Variants in EPB41L1 observed in about 807,000 individuals in gnomAD.
The protein encoded by EPB41L1 is band 4.1-like protein 1.
Under a neutral mutation model 97.8 loss-of-function variants are expected in EPB41L1, and 29 were observed. The observed-to-expected ratio is 0.30, with a 90% CI of 0.22 to 0.40. EPB41L1 has a LOEUF of 0.40. Ranked by LOEUF, EPB41L1 falls within the 10% of genes least tolerant of loss-of-function variation. The probability of loss-of-function intolerance (pLI) is 1.00; values close to 1 mark genes in which losing one functional copy is unlikely to be tolerated. For missense variants in EPB41L1, 812 were observed against 1,162.3 expected, an observed-to-expected ratio of 0.70 and a Z score of 4.38; for synonymous variants, 383 against 459.2, an observed-to-expected ratio of 0.83 and a Z score of 2.12.
intron 2 of EPB41L1, among the ~76,000 whole-genome samples, chr20:36,138,305 G>T (rs1352955653): frequency 1.4e-5 from 2 of 148,106 alleles, no homozygotes; most frequent in African/African-American, 5.0e-5. Flanking sequence ...CGCTCTGTCA[G>T]CCAGGCTGGA....
At chr20:36,205,858 C>A in intron 14 of EPB41L1, 1 of 1,288,762 alleles carries the variant, frequency 7.8e-7, no homozygotes, top group Non-Finnish European at 1.0e-6. Context: ...GGGTTCAGAG[C>A]ATTGGGTATT....
At chr20:36,120,703 C>T (rs772062669) in intron 2 of EPB41L1, among the ~76,000 whole-genome samples, 9 of 152,060 alleles carry the variant, frequency 5.9e-5, no homozygotes, top group Non-Finnish European at 1.0e-4. Context: ...TGATTTAGTC[C>T]GCAAATTTTT....
In EPB41L1 at chr20:36,121,126, T is replaced by C. The variant is rs183968228; in HGVS notation, c.-10+8646T>C. On this transcript the variant is annotated intron_variant, in intron 2 of 19. Coordinates refer to the EPB41L1 transcript ENST00000202028. ...AGAGAGCTAGATTTCCTTTCTACCATATGATGACTAGAAGGAGCCATCTCT... is the reference window on the plus strand; with the variant it reads ...AGAGAGCTAGATTTCCTTTCTACCACATGATGACTAGAAGGAGCCATCTCT... Among the ~76,000 whole-genome samples the C allele has an allele frequency of 3.3e-3, 494 of 150,036 alleles. 9 individuals carry two copies. Among genetic ancestry groups the C allele is most frequent in the African/African-American group, 0.011 (467 of 40,982 alleles).
At chr20:36,110,312 G>A (rs1686305615) in intron 1 of EPB41L1, among the ~76,000 whole-genome samples, 1 of 152,204 alleles carries the variant, frequency 6.6e-6, no homozygotes, top group African/African-American at 2.4e-5. Flanking sequence ...GAGCAAGAGG[G>A]AGAAAGAGAG....
At chr20:36,193,002 G>C (rs1016898104) in intron 11 of EPB41L1, among the ~76,000 whole-genome samples, 2 of 152,196 alleles carry the variant, frequency 1.3e-5, no homozygotes, top group African/African-American at 4.8e-5. Flanking sequence ...GTTCTGCTAG[G>C]GTTCATCTGA....
At chr20:36,126,594 G>A (rs970467400) in intron 2 of EPB41L1, among the ~76,000 whole-genome samples, 2 of 152,088 alleles carry the variant, frequency 1.3e-5, no homozygotes, top group African/African-American at 4.8e-5. Context: ...TCAAACTCCC[G>A]ACCTCGGATG....
intron 14 of EPB41L1, among the ~76,000 whole-genome samples, chr20:36,200,308 G>T (rs75912024): frequency 6.6e-6 from 1 of 152,324 alleles, no homozygotes; most frequent in South Asian, 2.1e-4. Flanking sequence ...TCATGGGGCT[G>T]TTGCTGTTGG....
At chr20:36,216,123 C>T (rs1198184607) in intron 17 of EPB41L1, among the ~76,000 whole-genome samples, 1 of 152,180 alleles carries the variant, frequency 6.6e-6, no homozygotes, top group Non-Finnish European at 1.5e-5. Context: ...TTCTTTCCTG[C>T]CTTCATGGGA....
rs770553902 is a variant in EPB41L1, at chr20:36,190,233, G to A, written c.1027-44G>A. Reference sequence around the variant, plus strand: ...CACAAAGAATGGGCTAGTGGCGAGAGTGAGCTCAGGCCCTGCCTCTAACCT... The same window carrying A: ...CACAAAGAATGGGCTAGTGGCGAGAATGAGCTCAGGCCCTGCCTCTAACCT... On this transcript the variant is annotated intron_variant, in intron 9 of 21. Transcript: ENST00000338074. This position sits in a 1 kb window ranked among gnomAD's most constrained non-coding sequence, Gnocchi z 5.8. The A allele has an allele frequency of 8.1e-6, 12 of 1,486,052 alleles. No individual in the cohort carries two copies. The highest frequency in any genetic ancestry group is 1.0e-5 in the Non-Finnish European group (11 of 1,064,352). 92.1% of individuals were successfully genotyped at this position (1,486,052 alleles called of 1,614,324 possible).
At chr20:36,204,354 C>A (rs140860426) in intron 14 of EPB41L1, among the ~76,000 whole-genome samples, 2 of 152,182 alleles carry the variant, frequency 1.3e-5, no homozygotes, top group South Asian at 2.1e-4. Context: ...AACCCAGTGA[C>A]CTTCCTGCTT....
intron 6 of EPB41L1, 93 bp downstream of exon 6, chr20:36,182,440 C>A: frequency 1.4e-6 from 2 of 1,397,974 alleles, no homozygotes; most frequent in East Asian, 2.3e-5. Context: ...TATGTGACAG[C>A]AGCTGCAAAT....
In EPB41L1 at chr20:36,092,328, GCTC is replaced by G. The variant is rs1390566150; in HGVS notation, c.-65+720_-65+722del. On this transcript the variant is annotated intron_variant, in intron 1 of 19. Transcript: ENST00000202028. The surrounding 1 kb of genome is among the most constrained non-coding windows in gnomAD (Gnocchi z 7.0). Reference sequence around the variant, plus strand: ...GACGTGGGGGCCCCGGGTGGGGTCTGCTCCTCTTCTTCGCCCGGCCTCTGAGCC... The same window carrying G: ...GACGTGGGGGCCCCGGGTGGGGTCTGCTCTTCTTCGCCCGGCCTCTGAGCC... Among the ~76,000 whole-genome samples, 1 of 152,176 alleles carries G rather than the reference GCTC, an allele frequency of 6.6e-6. No individual in the cohort carries two copies. The highest frequency in any genetic ancestry group is 2.4e-5 in the African/African-American group (1 of 41,458).
intron 1 of EPB41L1, among the ~76,000 whole-genome samples, chr20:36,171,583 T>G (rs552382698): frequency 5.9e-5 from 9 of 152,244 alleles, no homozygotes; most frequent in South Asian, 4.1e-4. Flanking sequence ...ATCCACTCTG[T>G]GGGGGGCTGA....
intron 12 of EPB41L1, among the ~76,000 whole-genome samples, chr20:36,194,826 A>C (rs995200604): frequency 6.6e-6 from 1 of 152,138 alleles, no homozygotes; most frequent in African/African-American, 2.4e-5. Context: ...GTACACGCTC[A>C]TGCAGGATTG....
intron 1 of EPB41L1, among the ~76,000 whole-genome samples, chr20:36,104,034 C>T (rs955416699): frequency 2.6e-5 from 4 of 152,142 alleles, no homozygotes; most frequent in African/African-American, 7.2e-5. Context: ...ACATCTACTA[C>T]GTTCTGAGCA....
At chr20:36,099,901 A>C (rs2057955037) in intron 1 of EPB41L1, among the ~76,000 whole-genome samples, 2 of 152,322 alleles carry the variant, frequency 1.3e-5, no homozygotes, top group South Asian at 4.1e-4. Context: ...GTGAGGATGC[A>C]ACAGGAGAGT....
Position 36,190,912 on chromosome 20 carries a change from T to C in EPB41L1, c.1300+115T>C. ...AAATGGTAGATGCATCCCAAGTTCA[T>C]CTGCACCAGGCTGGCCCCTCAAGAC... On this transcript the variant is annotated intron_variant, in intron 11 of 21. Coordinates refer to ENST00000338074, the MANE Select transcript of EPB41L1 (RefSeq NM_012156.2). The surrounding 1 kb of genome is among the most constrained non-coding windows in gnomAD (Gnocchi z 5.8). 7.0e-7 allele frequency: 1 copy of C among 1,419,872 alleles called. No homozygotes were observed. The highest frequency in any genetic ancestry group is 9.6e-7 in the Non-Finnish European group (1 of 1,039,018). The allele number at this position is 1,419,872 out of a possible 1,614,324, so 88.0% of individuals were successfully genotyped here.
chr20:36,091,941 G>A (rs754673778), intron 1 of EPB41L1: 2 of 152,190 alleles, frequency 1.3e-5, no homozygotes, highest in Non-Finnish European at 2.9e-5. Context: ...GCGCCTATAC[G>A]GGCCGTGGTG....
At chr20:36,199,766 G>T (rs575418486) in intron 14 of EPB41L1, among the ~76,000 whole-genome samples, 2 of 152,280 alleles carry the variant, frequency 1.3e-5, no homozygotes, top group Non-Finnish European at 2.9e-5. Flanking sequence ...TCCTGATGTG[G>T]GCTGGCCAAG....
Sources: gnomAD v4.1 joint callset for allele counts (sites outside exome capture counted in the v4.1 genomes callset) on GRCh38, gnomAD v4.1.1 for gene constraint, Gnocchi (gnomAD v3.1) non-coding constraint, MANE v1.5 for transcripts, NCBI Gene and HGNC (gene_info 2026-07-23, HGNC 2026-07-21) for gene names.